NPAS2: variants seen among roughly 807,000 people sequenced by gnomAD.
NPAS2 encodes neuronal PAS domain protein 2.
A neutral mutation model predicts 107.5 loss-of-function variants in NPAS2; 23 were observed. The observed-to-expected ratio is 0.21, with a 90% CI of 0.15 to 0.30. The LOEUF (loss-of-function observed/expected upper bound fraction) is 0.30. NPAS2 is among the 10% of genes least tolerant of loss of function. The pLI is 1.00. For missense variants in NPAS2, 756 were observed against 1,043.3 expected (o/e 0.72, Z 3.79); for synonymous variants, 403 against 417.5 (o/e 0.97, Z 0.42).
At chr2:100,901,117 C>T (rs1681742014) in intron 1 of NPAS2, among the ~76,000 whole-genome samples, 1 of 152,138 alleles carries the variant, frequency 6.6e-6, no homozygotes, top group Non-Finnish European at 1.5e-5. Context: ...TCTACCTCCC[C>T]ATTTGTTTAT....
intron 1 of NPAS2, among the ~76,000 whole-genome samples, chr2:100,824,005 C>T (rs1676225658): frequency 1.3e-5 from 2 of 152,278 alleles, no homozygotes; most frequent in South Asian, 4.1e-4. Context: ...ACTCAGAGTC[C>T]TTGTCAGAAA....
intron 7 of NPAS2, among the ~76,000 whole-genome samples, chr2:100,954,163 C>T (rs920314270): frequency 6.6e-6 from 1 of 151,976 alleles, no homozygotes; most frequent in African/African-American, 2.4e-5. Context: ...TGGTGTCTGC[C>T]CGGGGATTGG....
chr2:100,819,426 GTCC>G (rs1482374169), upstream of NPAS2, among the ~76,000 whole-genome samples: 1 of 152,050 alleles, frequency 6.6e-6, no homozygotes, highest in Non-Finnish European at 1.5e-5. This position sits in a 1 kb window ranked among gnomAD's most constrained non-coding sequence, Gnocchi z 5.8. Flanking sequence ...AGTCGCTGCT[GTCC>G]TCCGCCGACC....
intron 5 of NPAS2, among the ~76,000 whole-genome samples, chr2:100,947,672 A>G (rs1429713313): frequency 2.0e-5 from 3 of 152,174 alleles, no homozygotes; most frequent in Non-Finnish European, 2.9e-5. Flanking sequence ...GACCATTTCC[A>G]TCATCACAGA....
chr2:100,891,798 A>G (rs1359409334), intron 1 of NPAS2, among the ~76,000 whole-genome samples: 2 of 152,236 alleles, frequency 1.3e-5, no homozygotes, highest in African/African-American at 4.8e-5. Context: ...AAGGGCACCT[A>G]CTTTTTCTCT....
At chr2:100,903,121 C>G (rs991677608) in intron 1 of NPAS2, among the ~76,000 whole-genome samples, 1 of 152,216 alleles carries the variant, frequency 6.6e-6, no homozygotes, top group Non-Finnish European at 1.5e-5. Context: ...GAGCAGCAGC[C>G]AGCCCTCCTG....
intron 1 of NPAS2, among the ~76,000 whole-genome samples, chr2:100,821,512 G>T (rs528180428): frequency 6.6e-6 from 1 of 152,128 alleles, no homozygotes; most frequent in Non-Finnish European, 1.5e-5. Flanking sequence ...CAGCAGAGAC[G>T]AGCTAAACCG....
At chr2:100,842,581 TA>T (rs1677511612) in intron 1 of NPAS2, among the ~76,000 whole-genome samples, 3 of 152,118 alleles carry the variant, frequency 2.0e-5, no homozygotes, top group Admixed American at 2.0e-4. Context: ...AGTATTCACT[TA>T]TATAAAGTCC....
chr2:100,913,075 T>G (rs760165415), intron 2 of NPAS2, among the ~76,000 whole-genome samples: 3 of 152,148 alleles, frequency 2.0e-5, no homozygotes, highest in Non-Finnish European at 4.4e-5. Flanking sequence ...CTGGATTCTC[T>G]TCTTCCCTCC....
At chr2:100,953,375 TAA>T (rs770159746) in intron 7 of NPAS2, among the ~76,000 whole-genome samples, 2 of 87,894 alleles carry the variant, frequency 2.3e-5, no homozygotes. Flanking sequence ...CTCCATCTCA[TAA>T]AAAAAAAAAA....
intron 1 of NPAS2, among the ~76,000 whole-genome samples, chr2:100,831,723 A>T (rs1235574385): frequency 6.6e-6 from 1 of 152,136 alleles, no homozygotes; most frequent in Non-Finnish European, 1.5e-5. Context: ...TAGAGGTTTT[A>T]TGATCTCTCA....
At chr2:100,926,953 T>A (rs1374728715) in intron 3 of NPAS2, among the ~76,000 whole-genome samples, 1 of 149,360 alleles carries the variant, frequency 6.7e-6, no homozygotes, top group Non-Finnish European at 1.5e-5. Context: ...TTTTTTTTTT[T>A]TTTTTGAGAC....
chr2:100,818,806 C>G (rs1675876783), upstream of NPAS2, among the ~76,000 whole-genome samples: 1 of 152,240 alleles, frequency 6.6e-6, no homozygotes. Flanking sequence ...GGCACCTAGG[C>G]CAGGGGAGCG....
chr2:100,938,327 C>T (rs1465075907), intron 5 of NPAS2, among the ~76,000 whole-genome samples: 4 of 152,188 alleles, frequency 2.6e-5, no homozygotes, highest in East Asian at 1.9e-4. Context: ...GCAGCAGGGC[C>T]GGTTCCTGGG....
intron 2 of NPAS2, among the ~76,000 whole-genome samples, chr2:100,924,231 TA>T (rs1466320353): frequency 6.6e-6 from 1 of 152,230 alleles, no homozygotes; most frequent in African/African-American, 2.4e-5. Context: ...TTATAGCTGA[TA>T]AGCTTACACT....
At chr2:100,984,587 GTTGGT>G (rs1677668522) in intron 16 of NPAS2, 1 of 150,478 alleles carries the variant, frequency 6.6e-6, no homozygotes, top group African/African-American at 2.4e-5. Context: ...ATTAGAAGTT[GTTGGT>G]TTGTTTTCTC....
At chr2:100,984,171 G>T (rs1445298235) in intron 16 of NPAS2, 1 of 152,170 alleles carries the variant, frequency 6.6e-6, no homozygotes, top group Non-Finnish European at 1.5e-5. Flanking sequence ...TCATTCCTGA[G>T]GCCTTATCTT....
At chr2:100,912,506 C>T (rs1682622724) in intron 2 of NPAS2, among the ~76,000 whole-genome samples, 2 of 152,190 alleles carry the variant, frequency 1.3e-5, no homozygotes, top group African/African-American at 2.4e-5. Context: ...TCATTTTGCT[C>T]ATGGATCTTT....
chr2:100,968,679 G>A lies in NPAS2; in HGVS notation c.1055+251G>A, dbSNP rs1361701458. Among the ~76,000 whole-genome samples, 3 of 152,114 alleles carry A rather than the reference G, an allele frequency of 2.0e-5. No individual in the cohort carries two copies. The highest frequency in any genetic ancestry group is 3.9e-4 in the East Asian group (2 of 5,192). On this transcript the variant is annotated intron_variant, in intron 11 of 20. Coordinates refer to ENST00000335681, the MANE Select transcript of NPAS2 (RefSeq NM_002518.4). The surrounding 1 kb of genome is among the most constrained non-coding windows in gnomAD (Gnocchi z 5.3). ...AGCTCTCAGTCAGGCCCCTTTGAACGCCTCATGGACTCTCGCAGGCTGCCA... is the reference window on the plus strand; with the variant it reads ...AGCTCTCAGTCAGGCCCCTTTGAACACCTCATGGACTCTCGCAGGCTGCCA...
Sources: allele counts gnomAD v4.1 joint callset (sites outside exome capture counted in the v4.1 genomes callset), GRCh38; gene constraint gnomAD v4.1.1; non-coding constraint Gnocchi (gnomAD v3.1); transcripts MANE v1.5; gene names NCBI Gene and HGNC (gene_info 2026-07-23, HGNC 2026-07-21).